The following STIMATE variants were observed in gnomAD, a reference collection of about 807,000 sequenced individuals.
STIMATE encodes STIM activating enhancer, also known as store-operated calcium entry regulator STIMATE.
A neutral mutation model predicts 36.7 loss-of-function variants in STIMATE; 15 were observed. That is an observed-to-expected ratio of 0.41 (90% CI 0.27 to 0.63). STIMATE has a LOEUF of 0.63. Ranked by LOEUF, STIMATE falls within the 20% of genes least tolerant of loss-of-function variation. The pLI is 0.32. For missense variants in STIMATE, 305 were observed against 397.3 expected (o/e 0.77, Z 1.98); for synonymous variants, 163 against 162.3 (o/e 1.00, Z -0.03).
chr3:52,853,954 T>C (rs928118598), intron 2 of STIMATE, among the ~76,000 whole-genome samples: 1 of 152,264 alleles, frequency 6.6e-6, no homozygotes, highest in Non-Finnish European at 1.5e-5. Context: ...TGTATTATTT[T>C]GGAGTTTTGT....
chr3:52,877,720 C>G (rs571292498), intron 1 of STIMATE, among the ~76,000 whole-genome samples: 1 of 152,348 alleles, frequency 6.6e-6, no homozygotes, highest in East Asian at 1.9e-4. Flanking sequence ...TGGTGGGCCT[C>G]AGTGAGCTAA....
chr3:52,841,252 C>T (rs551689208), intron 7 of STIMATE, among the ~76,000 whole-genome samples: 1 of 152,368 alleles, frequency 6.6e-6, no homozygotes, highest in South Asian at 2.1e-4. Context: ...AAAAAAAGCT[C>T]AACCATGACA....
In STIMATE at chr3:52,840,320, C is replaced by T; in HGVS notation, c.*174G>A. 1 of 739,274 alleles carries T rather than the reference C, an allele frequency of 1.4e-6. No individual in the cohort carries two copies. Among genetic ancestry groups the T allele is most frequent in the South Asian group, 2.1e-5 (1 of 47,168 alleles). The allele number at this position is 739,274 out of a possible 1,614,324, so 45.8% of individuals were successfully genotyped here. A position where few individuals can be genotyped will look rare whatever the true frequency, so the allele number is the denominator to read the frequency against. On this transcript the variant is annotated 3_prime_UTR_variant, in exon 8 of 8. Coordinates refer to ENST00000355083, the MANE Select transcript of STIMATE (RefSeq NM_198563.5). ...GTGGCCCCCTCGGGCGCTGGCTCCT[C>T]TTCCCTCTTTTTAAGTCACAGTAGT...
chr3:52,860,054 C>CTTT, intron 1 of STIMATE, among the ~76,000 whole-genome samples: 1 of 132,506 alleles, frequency 7.5e-6, no homozygotes, highest in South Asian at 2.5e-4. Context: ...AGTCCAGATT[C>CTTT]TTTTTTTTTT....
intron 1 of STIMATE, among the ~76,000 whole-genome samples, chr3:52,864,072 C>T (rs1324696676): frequency 6.6e-6 from 1 of 152,226 alleles, no homozygotes; most frequent in African/African-American, 2.4e-5. Flanking sequence ...GACAGTGGCC[C>T]TCTTCTCACA....
intron 1 of STIMATE, 152 bp from the exon 2 acceptor site, chr3:52,855,596 C>A: frequency 2.6e-6 from 3 of 1,132,170 alleles, no homozygotes; most frequent in South Asian, 3.0e-5. Context: ...GTAAGCCCTG[C>A]GAAGGTCACT....
At chr3:52,858,884 C>T (rs893204647) in intron 1 of STIMATE, among the ~76,000 whole-genome samples, 1 of 151,986 alleles carries the variant, frequency 6.6e-6, no homozygotes, top group African/African-American at 2.4e-5. Flanking sequence ...GTAGGCCAGG[C>T]GTGGTGGCTC....
At chr3:52,859,176 T>TAAATA (rs71087028) in intron 1 of STIMATE, among the ~76,000 whole-genome samples, 26,842 of 141,576 alleles carry the variant, frequency 0.19, 2,882 homozygotes, top group Admixed American at 0.31. Context: ...AAAAATAAAA[T>TAAATA]AAATAAAATA....
intron 1 of STIMATE, among the ~76,000 whole-genome samples, chr3:52,893,325 C>T (rs1701811847): frequency 6.7e-6 from 1 of 150,164 alleles, no homozygotes; most frequent in South Asian, 2.1e-4. Context: ...AAGTATTTAG[C>T]AGTAAAGTGT....
chr3:52,846,258 G>A (rs1700898147), intron 4 of STIMATE, among the ~76,000 whole-genome samples: 1 of 152,180 alleles, frequency 6.6e-6, no homozygotes, highest in African/African-American at 2.4e-5. Flanking sequence ...AGACATTTGA[G>A]CCAAAAAACC....
At chr3:52,848,347 A>G (rs1211119259) in intron 4 of STIMATE, 2 of 37,798 alleles carry the variant, frequency 5.3e-5, no homozygotes, top group Non-Finnish European at 9.6e-5. Flanking sequence ...GGCTGAAACA[A>G]TATCACTGCC....
At position 52,840,414 on chromosome 3, in the gene STIMATE, G is replaced by T; in HGVS notation, c.*80C>A. 1 of 1,466,862 alleles carries T rather than the reference G, an allele frequency of 6.8e-7. No individual in the cohort carries two copies. Among genetic ancestry groups the T allele is most frequent in the Non-Finnish European group, 9.4e-7 (1 of 1,065,148 alleles). The allele number at this position is 1,466,862 out of a possible 1,614,324, so 90.9% of individuals were successfully genotyped here. A position where few individuals can be genotyped will look rare whatever the true frequency, so the allele number is the denominator to read the frequency against. The stretch of plus-strand genomic sequence containing the variant: ...GGTAGAAAGGAAGGGCAGAGAGAGG[G>T]TAAGGAACGATGCTGCGGGATGACC... On this transcript the variant is annotated 3_prime_UTR_variant, in exon 8 of 8. Transcript: ENST00000355083.
chr3:52,857,875 C>T (rs1025942778), intron 1 of STIMATE, among the ~76,000 whole-genome samples: 8 of 152,068 alleles, frequency 5.3e-5, no homozygotes, highest in Non-Finnish European at 8.8e-5. Flanking sequence ...CAGAGCGAGA[C>T]TATTTGGAGA....
chr3:52,876,812 C>T (rs920912473), intron 1 of STIMATE, among the ~76,000 whole-genome samples: 42 of 152,242 alleles, frequency 2.8e-4, no homozygotes, highest in African/African-American at 1.0e-3. Flanking sequence ...CAACACTAGG[C>T]TATTAGCAGT....
rs189834365 is a variant in STIMATE, at chr3:52,837,416, C to G, written c.*3078G>C. 2.0e-5 allele frequency: 3 copies of G among 152,192 alleles called. No individual in the cohort carries two copies. The highest frequency in any genetic ancestry group is 7.2e-5 in the African/African-American group (3 of 41,430). The allele number at this position is 152,192 out of a possible 1,614,324, so 9.4% of individuals were successfully genotyped here. On this transcript the variant is annotated 3_prime_UTR_variant, in exon 8 of 8. Transcript: ENST00000355083. The stretch of plus-strand genomic sequence containing the variant: ...CATGACTCCCTGTTGCCAGGGAGGG[C>G]ACAAGTTAAAGCTTGAGGAAGGAGG...
chr3:52,856,600 C>T lies in STIMATE; in HGVS notation c.161-1156G>A, dbSNP rs183942763. ...TCTGGAAGCTGAGGTGGGAGGGTCA[C>T]TTGAGCCCAGGAGGTTGAGGCTGCA... On this transcript the variant is annotated intron_variant, in intron 1 of 7. Transcript: ENST00000355083. Among the ~76,000 whole-genome samples the T allele has an allele frequency of 6.7e-3, 1,018 of 152,220 alleles. 99 individuals are homozygous for T. In the South Asian group the frequency reaches 0.19, roughly 28 times the overall value.
At chr3:52,890,251 G>T (rs1456383052) in intron 1 of STIMATE, among the ~76,000 whole-genome samples, 1 of 152,220 alleles carries the variant, frequency 6.6e-6, no homozygotes, top group African/African-American at 2.4e-5. Context: ...CTTCGTCAAG[G>T]AAACATCCAA....
chr3:52,887,788 C>T (rs1213653364), intron 1 of STIMATE, among the ~76,000 whole-genome samples: 1 of 152,116 alleles, frequency 6.6e-6, no homozygotes, highest in Non-Finnish European at 1.5e-5. Flanking sequence ...GGATAAGGTC[C>T]TGTCCATAGC....
chr3:52,893,586 C>T (rs561372566), intron 1 of STIMATE, among the ~76,000 whole-genome samples: 5 of 152,164 alleles, frequency 3.3e-5, no homozygotes, highest in East Asian at 3.9e-4. Flanking sequence ...ACAGGGAGGC[C>T]GGTTTACCAC....
Sources: gnomAD v4.1 joint callset for allele counts (sites outside exome capture counted in the v4.1 genomes callset) on GRCh38, gnomAD v4.1.1 for gene constraint, MANE v1.5 for transcripts, NCBI Gene and HGNC (gene_info 2026-07-23, HGNC 2026-07-21) for gene names.